Variants in NDST4 observed in about 807,000 individuals in gnomAD.
NDST4 encodes N-deacetylase and N-sulfotransferase 4.
In NDST4, 63 loss-of-function variants were observed where a neutral mutation model predicts 100.8. The ratio of observed to expected loss-of-function variants is 0.62; its 90% CI spans 0.51 to 0.77. The LOEUF is 0.77. Ranked by LOEUF, NDST4 falls within the 30% of genes least tolerant of loss-of-function variation. The pLI, the probability that NDST4 is intolerant of heterozygous loss-of-function variation, is 0.00. For synonymous variants in NDST4, 377 were observed against 361.8 expected (o/e 1.04, Z -0.48); for missense variants, 943 against 1,018.4 (o/e 0.93, Z 1.01).
At chr4:115,034,839 G>C (rs1229488264) in intron 2 of NDST4, among the ~76,000 whole-genome samples, 5 of 152,072 alleles carry the variant, frequency 3.3e-5, no homozygotes, top group African/African-American at 1.2e-4. Flanking sequence ...TTCAATAGGT[G>C]TCTTTATTTC....
intron 1 of NDST4, among the ~76,000 whole-genome samples, chr4:115,082,177 T>A (rs1729318684): frequency 6.6e-6 from 1 of 152,182 alleles, no homozygotes; most frequent in South Asian, 2.1e-4. Flanking sequence ...GCTTATCACC[T>A]AGGTAGTGGA....
At chr4:115,099,189 G>C (rs1010392111) in intron 1 of NDST4, among the ~76,000 whole-genome samples, 3 of 152,106 alleles carry the variant, frequency 2.0e-5, no homozygotes, top group East Asian at 3.9e-4. Flanking sequence ...TAAATTTATT[G>C]AAATGTAAAT....
chr4:114,935,577 C>T (rs929041096), intron 5 of NDST4, among the ~76,000 whole-genome samples: 3 of 152,018 alleles, frequency 2.0e-5, no homozygotes, highest in East Asian at 1.9e-4. Context: ...TAAATCTAAC[C>T]CACCACCTGT....
chr4:115,071,646 G>A (rs933901286), intron 2 of NDST4, among the ~76,000 whole-genome samples: 4 of 151,622 alleles, frequency 2.6e-5, no homozygotes, highest in Non-Finnish European at 4.4e-5. Context: ...AAAATTGTCG[G>A]TAGCTATGCA....
intron 5 of NDST4, among the ~76,000 whole-genome samples, chr4:114,936,480 A>G (rs1004197215): frequency 6.6e-6 from 1 of 152,212 alleles, no homozygotes; most frequent in Non-Finnish European, 1.5e-5. Flanking sequence ...TTTTAACAGC[A>G]ATATGAATAA....
intron 1 of NDST4, among the ~76,000 whole-genome samples, chr4:115,103,826 G>T (rs896386952): frequency 2.0e-5 from 3 of 152,058 alleles, no homozygotes; most frequent in Admixed American, 6.6e-5. Flanking sequence ...ACTAATCCAG[G>T]TTACACAATT....
At chr4:115,044,052 G>A (rs1728409710) in intron 2 of NDST4, among the ~76,000 whole-genome samples, 1 of 152,010 alleles carries the variant, frequency 6.6e-6, no homozygotes, top group Non-Finnish European at 1.5e-5. Flanking sequence ...TATATTTGAT[G>A]CATCCTGTTT....
intron 6 of NDST4, among the ~76,000 whole-genome samples, chr4:114,892,024 G>A (rs976496230): frequency 2.0e-5 from 3 of 152,048 alleles, no homozygotes; most frequent in African/African-American, 4.8e-5. Context: ...CATACACACT[G>A]TTTTGGGATT....
At chr4:115,010,705 T>TGTGG in intron 2 of NDST4, among the ~76,000 whole-genome samples, 1 of 67,088 alleles carries the variant, frequency 1.5e-5, no homozygotes. Context: ...AAAGAATACA[T>TGTGG]ATATGGCTCT....
chr4:114,856,876 C>A (rs989222458), intron 7 of NDST4, among the ~76,000 whole-genome samples: 1 of 152,220 alleles, frequency 6.6e-6, no homozygotes, highest in Non-Finnish European at 1.5e-5. Context: ...CTTGAGCACA[C>A]TGGGACATCC....
At chr4:114,847,375 CAAAAAAAAAAAAAAAAAAAAAAAAAAAA>C (rs57987259) in intron 9 of NDST4, among the ~76,000 whole-genome samples, 1 of 18,244 alleles carries the variant, frequency 5.5e-5, no homozygotes, top group Non-Finnish European at 8.8e-5. Context: ...GACTCCGTCT[CAAAAAAAAAAAAAAAAAAAAAAAAAAAA>C]AAAAAAAAAA....
At chr4:115,089,120 T>A (rs916982990) in intron 1 of NDST4, among the ~76,000 whole-genome samples, 7 of 152,054 alleles carry the variant, frequency 4.6e-5, no homozygotes, top group Non-Finnish European at 1.5e-5. Flanking sequence ...CTTCTTTCTC[T>A]ACCCCAAGGT....
At chr4:114,990,148 A>T (rs1727005915) in intron 2 of NDST4, among the ~76,000 whole-genome samples, 1 of 152,038 alleles carries the variant, frequency 6.6e-6, no homozygotes, top group African/African-American at 2.4e-5. Context: ...AACTATCCTA[A>T]TTCTTTTAAA....
intron 13 of NDST4, among the ~76,000 whole-genome samples, chr4:114,828,847 C>T (rs1054796478): frequency 6.6e-6 from 1 of 152,196 alleles, no homozygotes; most frequent in Admixed American, 6.5e-5. Context: ...CCACATAAAA[C>T]TCCCTTAGCA....
At chr4:114,904,229 AT>A (rs746326558) in intron 6 of NDST4, among the ~76,000 whole-genome samples, 7 of 151,908 alleles carry the variant, frequency 4.6e-5, no homozygotes, top group Admixed American at 1.3e-4. Context: ...AGCAATATAC[AT>A]TTTTTAACTA....
At chr4:114,913,442 C>T (rs939810845) in intron 6 of NDST4, among the ~76,000 whole-genome samples, 8 of 151,832 alleles carry the variant, frequency 5.3e-5, no homozygotes, top group African/African-American at 1.5e-4. Flanking sequence ...TTACGATATG[C>T]GGAAATACCT....
chr4:114,900,747 G>A (rs1052564831), intron 6 of NDST4, among the ~76,000 whole-genome samples: 10 of 152,028 alleles, frequency 6.6e-5, no homozygotes, highest in South Asian at 2.1e-4. Context: ...ATGTATCCCC[G>A]TCATTGTTAT....
chr4:114,881,983 A>G (rs1724379464), intron 6 of NDST4, among the ~76,000 whole-genome samples: 1 of 151,964 alleles, frequency 6.6e-6, no homozygotes, highest in South Asian at 2.1e-4. Context: ...GAACTCATAT[A>G]CTCTCTACTC....
chr4:114,857,454 T>A (rs1042209762), intron 7 of NDST4, among the ~76,000 whole-genome samples: 2 of 152,186 alleles, frequency 1.3e-5, no homozygotes, highest in Non-Finnish European at 2.9e-5. Context: ...AAGTGGCCCA[T>A]GATTCTAAGT....
Sources: gnomAD v4.1 joint callset for allele counts (sites outside exome capture counted in the v4.1 genomes callset) on GRCh38, gnomAD v4.1.1 for gene constraint, MANE v1.5 for transcripts, NCBI Gene and HGNC (gene_info 2026-07-23, HGNC 2026-07-21) for gene names.